SOX6: variants seen among roughly 807,000 people sequenced by gnomAD.
SOX6 encodes the protein transcription factor SOX-6.
Under a neutral mutation model 97.8 loss-of-function variants are expected in SOX6, and 11 were observed. That is an observed-to-expected ratio of 0.11 (90% CI 0.07 to 0.19). SOX6 has a LOEUF of 0.19. Ranked by LOEUF, SOX6 falls within the 10% of genes least tolerant of loss-of-function variation. SOX6 has a pLI of 1.00. For missense variants in SOX6, 810 were observed against 1,039.5 expected, an observed-to-expected ratio of 0.78 and a Z score of 3.04; for synonymous variants, 360 against 371.4, an observed-to-expected ratio of 0.97 and a Z score of 0.35.
At chr11:16,073,760 T>C (rs974787567) in intron 9 of SOX6, among the ~76,000 whole-genome samples, 13 of 152,080 alleles carry the variant, frequency 8.5e-5, no homozygotes, top group African/African-American at 3.1e-4. Flanking sequence ...CACAGCATGA[T>C]AAAAATAGAA....
intron 3 of SOX6, among the ~76,000 whole-genome samples, chr11:16,667,739 A>G (rs1847817884): frequency 6.6e-6 from 1 of 152,182 alleles, no homozygotes; most frequent in African/African-American, 2.4e-5. Context: ...AAATCATCTT[A>G]AGGTACAAAA....
chr11:16,461,941 G>A (rs893994913), intron 1 of SOX6, among the ~76,000 whole-genome samples: 3 of 152,142 alleles, frequency 2.0e-5, no homozygotes, highest in African/African-American at 7.2e-5. Context: ...GGTTCTTGAG[G>A]GCAGGGACTT....
chr11:16,063,516 ATATATATATATATATAT>A (rs1848014527), intron 9 of SOX6, among the ~76,000 whole-genome samples: 2 of 54,504 alleles, frequency 3.7e-5, no homozygotes, highest in African/African-American at 1.7e-4. Context: ...ATATATATAT[ATATATATATATATATAT>A]ATATATATAT....
At chr11:16,007,116 T>C (rs1854578209) in intron 13 of SOX6, among the ~76,000 whole-genome samples, 1 of 152,136 alleles carries the variant, frequency 6.6e-6, no homozygotes, top group Non-Finnish European at 1.5e-5. Flanking sequence ...GGATACCTTC[T>C]GAGAAATGAA....
intron 4 of SOX6, among the ~76,000 whole-genome samples, chr11:16,497,536 T>C (rs998927123): frequency 2.6e-5 from 4 of 151,390 alleles, no homozygotes; most frequent in Non-Finnish European, 4.4e-5. Context: ...AGGAGGAAGT[T>C]CAAACCCATG....
At chr11:16,146,961 C>T (rs1020383824) in intron 6 of SOX6, among the ~76,000 whole-genome samples, 1 of 151,950 alleles carries the variant, frequency 6.6e-6, no homozygotes, top group Admixed American at 6.6e-5. Context: ...CTCAAGGATC[C>T]AGAACTAGAA....
intron 1 of SOX6, among the ~76,000 whole-genome samples, chr11:16,348,304 ATTAC>A (rs1376956658): frequency 3.9e-5 from 6 of 152,158 alleles, no homozygotes; most frequent in African/African-American, 1.4e-4. Context: ...TGAATATAAA[ATTAC>A]TTGTTTCTCC....
At chr11:16,483,016 G>C (rs1860369833) in intron 4 of SOX6, among the ~76,000 whole-genome samples, 1 of 152,154 alleles carries the variant, frequency 6.6e-6, no homozygotes, top group Non-Finnish European at 1.5e-5. Context: ...CAATGCAAAT[G>C]TCAATACAGT....
chr11:16,390,178 T>G (rs990230958), intron 1 of SOX6, among the ~76,000 whole-genome samples: 3 of 144,800 alleles, frequency 2.1e-5, no homozygotes, highest in Non-Finnish European at 4.4e-5. Flanking sequence ...TTCTGTGGCT[T>G]TTTCCTTCCC....
intron 7 of SOX6, 55 bp from the exon 8 acceptor site, chr11:16,097,743 G>T: frequency 6.8e-7 from 1 of 1,476,488 alleles, no homozygotes; most frequent in Non-Finnish European, 9.5e-7. Flanking sequence ...AATTGCAGCA[G>T]ACAAGTACAA....
intron 7 of SOX6, among the ~76,000 whole-genome samples, chr11:16,106,772 G>A (rs1297160037): frequency 6.6e-6 from 1 of 151,996 alleles, no homozygotes; most frequent in Non-Finnish European, 1.5e-5. Context: ...GAACTTTAGT[G>A]TATAAAAAGA....
intron 1 of SOX6, among the ~76,000 whole-genome samples, chr11:16,403,528 T>C (rs1328837946): frequency 6.6e-6 from 1 of 151,744 alleles, no homozygotes; most frequent in Non-Finnish European, 1.5e-5. Flanking sequence ...GTTGCATGGA[T>C]TTGTTCGTGA....
chr11:16,280,052 A>G (rs1854508519), intron 3 of SOX6, among the ~76,000 whole-genome samples: 1 of 152,164 alleles, frequency 6.6e-6, no homozygotes, highest in Admixed American at 6.6e-5. Context: ...AAAATGTATC[A>G]AGAAATGACT....
rs183652426 is a variant in SOX6 at position 16,642,749 on chromosome 11, T to C, written n.430-30489A>G. Reference sequence around the variant, plus strand: ...CATTTGTCACATAGTTCTCATGCCATGGTTTTCAGCTCTATCAGGTCCTTT... The same window carrying C: ...CATTTGTCACATAGTTCTCATGCCACGGTTTTCAGCTCTATCAGGTCCTTT... On this transcript the variant is annotated intron_variant and non_coding_transcript_variant, in intron 3 of 5. Transcript: ENST00000524520. Among the ~76,000 whole-genome samples, 13 of 152,380 alleles carry C rather than the reference T, an allele frequency of 8.5e-5. No individual in the cohort carries two copies. The East Asian group carries it at 2.3e-3, about 27-fold the overall frequency.
intron 4 of SOX6, among the ~76,000 whole-genome samples, chr11:16,188,427 G>A (rs1851540825): frequency 1.3e-5 from 2 of 151,986 alleles, no homozygotes; most frequent in African/African-American, 2.4e-5. Flanking sequence ...AAAAGAAAAT[G>A]GGTTTTTACT....
chr11:15,986,961 A>G (rs536507638), intron 14 of SOX6, among the ~76,000 whole-genome samples: 1 of 152,326 alleles, frequency 6.6e-6, no homozygotes, highest in East Asian at 1.9e-4. Context: ...GCTCTACCTA[A>G]GAAGTTATAG....
intron 1 of SOX6, among the ~76,000 whole-genome samples, chr11:16,471,814 G>A (rs2133116420): frequency 6.6e-6 from 1 of 152,284 alleles, no homozygotes; most frequent in African/African-American, 2.4e-5. Flanking sequence ...CAAAACCTGA[G>A]ATCACTGACC....
intron 4 of SOX6, among the ~76,000 whole-genome samples, chr11:16,517,426 A>C (rs1338257618): frequency 6.6e-6 from 1 of 152,210 alleles, no homozygotes; most frequent in Non-Finnish European, 1.5e-5. Flanking sequence ...ATATCTAGAA[A>C]ACCCCATTGT....
At chr11:16,528,266 T>C (rs1861195608) in intron 4 of SOX6, among the ~76,000 whole-genome samples, 3 of 152,142 alleles carry the variant, frequency 2.0e-5, no homozygotes, top group Non-Finnish European at 4.4e-5. Context: ...AAGTACAATA[T>C]GTCACACTTA....
Sources: gnomAD v4.1 joint callset for allele counts (sites outside exome capture counted in the v4.1 genomes callset) on GRCh38, gnomAD v4.1.1 for gene constraint, MANE v1.5 for transcripts, NCBI Gene and HGNC (gene_info 2026-07-23, HGNC 2026-07-21) for gene names.